FAT4: variants seen among roughly 807,000 people sequenced by gnomAD.
FAT4 encodes protocadherin Fat 4.
A neutral mutation model predicts 303.9 loss-of-function variants in FAT4; 84 were observed. The observed-to-expected ratio is 0.28, with a 90% CI of 0.23 to 0.33. FAT4 has a LOEUF of 0.33. FAT4 is among the 10% of genes least tolerant of loss of function. The pLI, the probability that FAT4 is intolerant of heterozygous loss-of-function variation, is 1.00. For synonymous variants in FAT4, 2,307 were observed against 2,298.8 expected (o/e 1.00, Z -0.10); for missense variants, 6,005 against 6,146.8 (o/e 0.98, Z 0.77).
chr4:125,463,060 ATTTC>A (rs1726535008), intron 10 of FAT4, among the ~76,000 whole-genome samples: 1 of 152,034 alleles, frequency 6.6e-6, no homozygotes, highest in Admixed American at 6.6e-5. Context: ...GTGTTTTCTT[ATTTC>A]TTATTCTGCT....
chr4:125,473,105 A>G (rs1343189106), intron 12 of FAT4, among the ~76,000 whole-genome samples: 2 of 152,150 alleles, frequency 1.3e-5, no homozygotes, highest in Non-Finnish European at 2.9e-5. Flanking sequence ...GTTATATTTT[A>G]TATTTTAATT....
chr4:125,476,002 T>G (rs1727015978), intron 12 of FAT4, among the ~76,000 whole-genome samples, 169 bp from the exon 13 acceptor site: 1 of 152,164 alleles, frequency 6.6e-6, no homozygotes, highest in Admixed American at 6.5e-5. Context: ...CAAAGAAACA[T>G]GTGCCCATGA....
intron 2 of FAT4, among the ~76,000 whole-genome samples, chr4:125,352,859 A>T (rs893674208): frequency 1.3e-5 from 2 of 151,810 alleles, no homozygotes; most frequent in South Asian, 2.1e-4. Context: ...TATAAGCCAT[A>T]AGACTACACT....
Position 125,453,671 on chromosome 4 carries a change from A to C in FAT4, c.11800+861A>C, listed in dbSNP as rs575275291. ...CAGTGAGCCGAGATCGCGTCACTGC[A>C]CTCCAGCCTGGCAACAGAGCAAGAC... is the stretch of plus-strand genomic sequence containing the variant. On this transcript the variant is annotated intron_variant, in intron 10 of 17. Transcript: ENST00000394329. Among the ~76,000 whole-genome samples, 12 of 151,132 alleles carry C rather than the reference A, an allele frequency of 7.9e-5. No individual in the cohort carries two copies. The East Asian group carries it at 1.8e-3, about 22-fold the overall frequency.
At chr4:125,364,062 G>T (rs1213236269) in intron 2 of FAT4, among the ~76,000 whole-genome samples, 1 of 152,004 alleles carries the variant, frequency 6.6e-6, no homozygotes, top group Admixed American at 6.6e-5. Flanking sequence ...GTTGTTGATG[G>T]ACTGATGGAG....
In FAT4 at chr4:125,451,013, G is replaced by A. The variant is rs757518051; in HGVS notation, c.10003G>A (p.Val3335Ile). The change falls in exon 10 of 18, where the codon GTA (valine) becomes ATA (isoleucine). Residue 3335 changes from valine to isoleucine, a missense_variant. Coordinates refer to ENST00000394329, the MANE Select transcript of FAT4 (RefSeq NM_001291303.3). ...CCGTGATTTGGGCACTGATGGGGAG[G>A]TACACTATTTGATTTTTGGTAATAG... Reference protein sequence around the residue: ...SDRDLGTDGEVHYLIFGNSRK... With the variant: ...SDRDLGTDGEIHYLIFGNSRK... 9.3e-6 allele frequency: 15 copies of A among 1,614,088 alleles called. No homozygotes were observed. Among genetic ancestry groups the A allele is most frequent in the Non-Finnish European group, 1.3e-5 (15 of 1,180,022 alleles).
At chr4:125,420,712 T>C (rs1735256006) in intron 7 of FAT4, among the ~76,000 whole-genome samples, 1 of 152,208 alleles carries the variant, frequency 6.6e-6, no homozygotes. Context: ...ATTTTATGGC[T>C]TTAATTCAGT....
At chr4:125,334,945 A>G (rs1011407126) in intron 2 of FAT4, among the ~76,000 whole-genome samples, 6 of 152,172 alleles carry the variant, frequency 3.9e-5, no homozygotes, top group Admixed American at 2.6e-4. Flanking sequence ...ATTACTTCAC[A>G]TAATAAAATA....
intron 2 of FAT4, among the ~76,000 whole-genome samples, chr4:125,392,768 A>G (rs1734021452): frequency 6.6e-6 from 1 of 152,182 alleles, no homozygotes; most frequent in African/African-American, 2.4e-5. Context: ...TTCATCAGAA[A>G]TTATTTTCTT....
chr4:125,476,572 T>G (rs1473017417), intron 13 of FAT4, among the ~76,000 whole-genome samples: 1 of 152,206 alleles, frequency 6.6e-6, no homozygotes, highest in Admixed American at 6.5e-5. Flanking sequence ...AGACCTCAGT[T>G]CTTTCAAATG....
intron 2 of FAT4, among the ~76,000 whole-genome samples, chr4:125,359,929 C>A (rs1419020578): frequency 2.0e-5 from 3 of 152,128 alleles, no homozygotes; most frequent in Admixed American, 1.3e-4. Context: ...AGTGCTTAAT[C>A]TTAACTCTGA....
chr4:125,379,791 A>G (rs1733470616), intron 2 of FAT4, among the ~76,000 whole-genome samples: 1 of 149,930 alleles, frequency 6.7e-6, no homozygotes, highest in African/African-American at 2.4e-5. Context: ...TCTTAATCAA[A>G]TTTTGAACTT....
At chr4:125,326,375 G>A (rs1731156536) in intron 2 of FAT4, among the ~76,000 whole-genome samples, 2 of 151,570 alleles carry the variant, frequency 1.3e-5, no homozygotes, top group Admixed American at 1.3e-4. Context: ...CAAGAGAGCT[G>A]GATATATAAT....
intron 10 of FAT4, among the ~76,000 whole-genome samples, chr4:125,461,869 G>A (rs1338518912): frequency 6.6e-6 from 1 of 151,804 alleles, no homozygotes; most frequent in African/African-American, 2.4e-5. Context: ...AAACAAAACA[G>A]GAAAGAGTTC....
In FAT4 at chr4:125,452,357, A is replaced by G. The variant is rs778371325; in HGVS notation, c.11347A>G (p.Thr3783Ala). 1.7e-5 allele frequency: 27 copies of G among 1,614,062 alleles called. No individual in the cohort carries two copies. In the South Asian group the frequency reaches 2.1e-4, roughly 12 times the overall value. The change falls in exon 10 of 18, where the codon ACC becomes GCC. Residue 3783 changes from threonine (T) to alanine (A), a missense_variant. Coordinates refer to ENST00000394329, the MANE Select transcript of FAT4 (RefSeq NM_001291303.3). ...NQYVNPSGVA[T>A]FFESIKEILL... ...GTATGTGAATCCCAGTGGCGTAGCC[A>G]CCTTCTTTGAAAGCATCAAAGAGAT...
chr4:125,458,200 A>G (rs947561662), intron 10 of FAT4, among the ~76,000 whole-genome samples: 3 of 152,016 alleles, frequency 2.0e-5, no homozygotes, highest in Non-Finnish European at 2.9e-5. Flanking sequence ...AAGTTTTCCT[A>G]TGTTCTCAAT....
In FAT4 at chr4:125,320,572, A is replaced by G; in HGVS notation, c.4161A>G (p.Lys1387=). 6.2e-7 allele frequency: 1 copy of G among 1,614,036 alleles called. No individual in the cohort carries two copies. Among genetic ancestry groups the G allele is most frequent in the Non-Finnish European group, 8.5e-7 (1 of 1,179,922 alleles). ...KLDFETQSLY[K]LNITAKDQGR... ...ACTTTGAAACACAGTCTTTGTATAA[A>G]TTAAATATAACAGCAAAAGACCAAG... The change falls in exon 2 of 18, where the codon AAA becomes AAG. Residue 1387 remains lysine (K), a synonymous_variant. Coordinates refer to ENST00000394329, the MANE Select transcript of FAT4 (RefSeq NM_001291303.3).
At chr4:125,372,332 A>T (rs1733148579) in intron 2 of FAT4, among the ~76,000 whole-genome samples, 1 of 151,308 alleles carries the variant, frequency 6.6e-6, no homozygotes, top group Non-Finnish European at 1.5e-5. Context: ...ACTGCCCTCC[A>T]GCCTGGATGG....
intron 14 of FAT4, among the ~76,000 whole-genome samples, chr4:125,477,956 C>T (rs1727090516): frequency 6.6e-6 from 1 of 151,992 alleles, no homozygotes; most frequent in Admixed American, 6.6e-5. Context: ...ATAATCTAAC[C>T]ACCCAGAGAC....
Sources: allele counts gnomAD v4.1 joint callset (sites outside exome capture counted in the v4.1 genomes callset), GRCh38; gene constraint gnomAD v4.1.1; transcripts MANE v1.5; gene names NCBI Gene and HGNC (gene_info 2026-07-23, HGNC 2026-07-21).